The following DGKI variants were observed in gnomAD, a reference collection of about 807,000 sequenced individuals.
DGKI encodes DAG kinase iota.
Under a neutral mutation model 147.5 loss-of-function variants are expected in DGKI, and 55 were observed. The ratio of observed to expected loss-of-function variants is 0.37; its 90% CI spans 0.30 to 0.47. The LOEUF is 0.47. DGKI is among the 20% of genes least tolerant of loss of function. The pLI is 1.00. For synonymous variants in DGKI, 469 were observed against 477.1 expected (o/e 0.98, Z 0.22); for missense variants, 1,007 against 1,323.8 (o/e 0.76, Z 3.71).
intron 23 of DGKI, among the ~76,000 whole-genome samples, chr7:137,475,723 A>T (rs1419083169): frequency 5.9e-5 from 9 of 152,220 alleles, no homozygotes; most frequent in Non-Finnish European, 1.0e-4. Context: ...GGTGCTCTGC[A>T]TGCTTCTTTC....
At chr7:137,726,711 A>G (rs927267974) in intron 1 of DGKI, among the ~76,000 whole-genome samples, 3 of 152,216 alleles carry the variant, frequency 2.0e-5, no homozygotes, top group African/African-American at 7.2e-5. Context: ...GCCAAGAATG[A>G]GCTAAGAATT....
chr7:137,559,102 C>A (rs1818326536), intron 19 of DGKI, among the ~76,000 whole-genome samples: 1 of 99,368 alleles, frequency 1.0e-5, no homozygotes, highest in Non-Finnish European at 1.8e-5. Flanking sequence ...GACGGAGTCT[C>A]GCTCTGTCGC....
chr7:137,729,501 A>G (rs1331764102), intron 1 of DGKI, among the ~76,000 whole-genome samples: 1 of 152,198 alleles, frequency 6.6e-6, no homozygotes, highest in Non-Finnish European at 1.5e-5. Flanking sequence ...GTGACAATCT[A>G]TAAAAACTAA....
At chr7:137,481,849 C>T (rs1034385558) in intron 23 of DGKI, among the ~76,000 whole-genome samples, 1 of 151,950 alleles carries the variant, frequency 6.6e-6, no homozygotes, top group Non-Finnish European at 1.5e-5. Flanking sequence ...AGTGAGCTGA[C>T]AGGAATTTCT....
At chr7:137,424,963 CACAG>C (rs1812731962) in intron 28 of DGKI, among the ~76,000 whole-genome samples, 1 of 152,246 alleles carries the variant, frequency 6.6e-6, no homozygotes, top group Admixed American at 6.5e-5. Context: ...GGGTGCAGGG[CACAG>C]ACAAACAAAA....
intron 19 of DGKI, 82 bp from the exon 20 acceptor site, chr7:137,552,650 T>C (rs1306025956): frequency 1.4e-6 from 2 of 1,456,944 alleles, no homozygotes; most frequent in African/African-American, 2.8e-5. Flanking sequence ...GGCTCATGCC[T>C]GTAATCCCAG....
intron 1 of DGKI, among the ~76,000 whole-genome samples, chr7:137,822,534 A>G (rs139689309): frequency 4.3e-4 from 66 of 152,296 alleles, no homozygotes; most frequent in African/African-American, 1.5e-3. Context: ...GGTTTTTTCA[A>G]TAAAACAAAC....
chr7:137,701,094 C>T (rs781360564), intron 1 of DGKI, among the ~76,000 whole-genome samples: 1 of 151,922 alleles, frequency 6.6e-6, no homozygotes, highest in Non-Finnish European at 1.5e-5. Context: ...CCCTACCTCA[C>T]TAGCAACTAA....
Position 137,666,363 on chromosome 7 carries a change from G to A in DGKI, c.607-9823C>T, listed in dbSNP as rs778559727. On this transcript the variant is annotated intron_variant, in intron 3 of 32. Transcript: ENST00000614521. ...GGCTGCAGTGAGCCAGGATCACATC[G>A]CCACATTCCAACCTGGGTGACATGG... Among the ~76,000 whole-genome samples the A allele has an allele frequency of 5.3e-5, 8 of 152,188 alleles. No individual in the cohort carries two copies. The East Asian group carries it at 9.6e-4, about 18-fold the overall frequency.
intron 26 of DGKI, 89 bp downstream of exon 26, chr7:137,465,819 T>C (rs1814631977): frequency 2.0e-5 from 29 of 1,463,736 alleles, no homozygotes; most frequent in Non-Finnish European, 2.4e-5. Flanking sequence ...AATCATTTGA[T>C]GTCATTAGAA....
At chr7:137,504,074 G>A (rs965566433) in intron 21 of DGKI, among the ~76,000 whole-genome samples, 1 of 152,094 alleles carries the variant, frequency 6.6e-6, no homozygotes, top group African/African-American at 2.4e-5. Context: ...ACAAGCCAAG[G>A]CCCTAAGAGC....
intron 5 of DGKI, among the ~76,000 whole-genome samples, chr7:137,649,432 AAACCT>A (rs1283362502): frequency 1.3e-5 from 2 of 152,182 alleles, no homozygotes; most frequent in Non-Finnish European, 2.9e-5. Context: ...TAACACCATA[AAACCT>A]TTTTATTGCT....
At chr7:137,472,279 ATAT>A (rs1184292207) in intron 23 of DGKI, among the ~76,000 whole-genome samples, 13 of 27,914 alleles carry the variant, frequency 4.7e-4, no homozygotes, top group African/African-American at 1.0e-3. Context: ...TATACATATA[ATAT>A]TATATGTATG....
chr7:137,688,484 C>T (rs561311187), intron 2 of DGKI, among the ~76,000 whole-genome samples: 40 of 152,160 alleles, frequency 2.6e-4, no homozygotes, highest in Non-Finnish European at 4.7e-4. Flanking sequence ...CAGTGACTTA[C>T]CTAATGTCAC....
rs56143630 is a variant in DGKI, at chr7:137,462,739, T to G, written c.2735+750A>C. Among the ~76,000 whole-genome samples the G allele has an allele frequency of 3.8e-3, 580 of 152,304 alleles. 1 individual carries two copies. The highest frequency in any genetic ancestry group is 6.0e-3 in the Admixed American group (92 of 15,304). On this transcript the variant is annotated intron_variant, in intron 27 of 32. Coordinates refer to ENST00000614521, the MANE Select transcript of DGKI (RefSeq NM_001321708.2). ...TAAACTGGAAACCAGCCTAATTTCA[T>G]GAACACACTGGATTTGCATAACCTC...
At chr7:137,488,097 C>A (rs933814987) in intron 21 of DGKI, among the ~76,000 whole-genome samples, 1 of 152,086 alleles carries the variant, frequency 6.6e-6, no homozygotes, top group Non-Finnish European at 1.5e-5. Flanking sequence ...GGATGCAGTG[C>A]CGGGGGAATT....
chr7:137,577,856 A>G (rs966752819), intron 16 of DGKI, among the ~76,000 whole-genome samples: 1 of 152,192 alleles, frequency 6.6e-6, no homozygotes, highest in Non-Finnish European at 1.5e-5. Context: ...AAAACACCCC[A>G]TATTCTGCCA....
At position 137,390,840 on chromosome 7, in the gene DGKI, T is replaced by C. The variant is rs955987380; in HGVS notation, c.*380A>G. 5.0e-5 allele frequency: 10 copies of C among 198,120 alleles called. No homozygotes were observed. In the East Asian group the frequency reaches 8.0e-4, roughly 16 times the overall value. The allele number at this position is 198,120 out of a possible 1,614,324, so 12.3% of individuals were successfully genotyped here. ...GATGGGTAGTTACAGTAGAATTGTA[T>C]GGTACAGGGAAAAAAACCAATGCAT... On this transcript the variant is annotated 3_prime_UTR_variant, in exon 33 of 33. Transcript: ENST00000614521.
At chr7:137,470,442 T>G (rs1247523708) in intron 23 of DGKI, among the ~76,000 whole-genome samples, 5 of 152,250 alleles carry the variant, frequency 3.3e-5, no homozygotes, top group African/African-American at 1.2e-4. Flanking sequence ...TCCTTTGAAC[T>G]TTATTTCTGT....
Sources: allele counts gnomAD v4.1 joint callset (sites outside exome capture counted in the v4.1 genomes callset), GRCh38; gene constraint gnomAD v4.1.1; transcripts MANE v1.5; gene names NCBI Gene and HGNC (gene_info 2026-07-23, HGNC 2026-07-21).